The following ARNT variants were observed in gnomAD, a reference collection of about 807,000 sequenced individuals.
ARNT encodes class E basic helix-loop-helix protein 2.
In ARNT, 30 loss-of-function variants were observed where a neutral mutation model predicts 105.0. The observed-to-expected ratio is 0.29, with a 90% confidence interval of 0.21 to 0.39. The LOEUF is 0.39. ARNT is among the 10% of genes least tolerant of loss of function. The pLI is 1.00. For synonymous variants in ARNT, 304 were observed against 344.0 expected (o/e 0.88, Z 1.29); for missense variants, 748 against 978.7 (o/e 0.76, Z 3.15).
intron 19 of ARNT, among the ~76,000 whole-genome samples, chr1:150,815,607 C>T (rs1571174662): frequency 6.6e-6 from 1 of 150,926 alleles, no homozygotes; most frequent in African/African-American, 2.4e-5. Flanking sequence ...CGCCTGTAAT[C>T]CCAGCACTTT....
At chr1:150,816,449 T>A in intron 18 of ARNT, 43 bp from the exon 19 acceptor site, 1 of 1,582,178 alleles carries the variant, frequency 6.3e-7, no homozygotes, top group Non-Finnish European at 8.6e-7. Context: ...AGGATAGATT[T>A]ATCACAGAAG....
intron 21 of ARNT, among the ~76,000 whole-genome samples, 190 bp from the exon 22 acceptor site, chr1:150,812,300 C>A (rs1654896516): frequency 6.6e-6 from 1 of 152,148 alleles, no homozygotes; most frequent in South Asian, 2.1e-4. Context: ...TCCCTTCTGT[C>A]TTCCTCCTAC....
rs1332604574 is a variant in ARNT, at chr1:150,816,871, G to A, written c.1719C>T (p.Ser573=). The A allele has an allele frequency of 5.0e-6, 8 of 1,603,958 alleles. No individual in the cohort carries two copies. In the Admixed American group the frequency reaches 1.1e-4, roughly 22 times the overall value. The change falls in exon 18 of 22, where the codon TCC becomes TCT. Residue 573 remains serine, a synonymous_variant. Coordinates refer to ENST00000358595, the MANE Select transcript of ARNT (RefSeq NM_001668.4). ...GTTGGGTGGCAGGGACAGTGCTGGA[G>A]GAGATGCCTTTACTCTGATCTGTGG... ...NINADQSKGI[S]SSTVPATQQL... is the part of the protein sequence containing the mutation.
rs147313091 is a variant in ARNT at position 150,840,740 on chromosome 1, T to C, written c.273-1086A>G. Among the ~76,000 whole-genome samples the C allele has an allele frequency of 1.5e-3, 233 of 152,252 alleles. 2 individuals carry two copies. The highest frequency in any genetic ancestry group is 5.0e-3 in the African/African-American group (209 of 41,524). On this transcript the variant is annotated intron_variant, in intron 5 of 21. Coordinates refer to ENST00000358595, the MANE Select transcript of ARNT (RefSeq NM_001668.4). Reference sequence around the variant, plus strand: ...ACAATTTGAATCTCACCCAGGTAAATAGACCACAGCTCCAACACTGACTTC... The same window carrying C: ...ACAATTTGAATCTCACCCAGGTAAACAGACCACAGCTCCAACACTGACTTC...
Position 150,817,357 on chromosome 1 carries a change from T to G in ARNT, c.1578+4A>C. ...CCCTCTTCAACGAAGAGGACACAAC[T>G]CACCTGGGAATGATTGTAGCTGGCC... On this transcript the variant is annotated splice_donor_region_variant and intron_variant, in intron 16 of 21. Coordinates refer to ENST00000358595, the MANE Select transcript of ARNT (RefSeq NM_001668.4). 6.2e-7 allele frequency: 1 copy of G among 1,614,082 alleles called. No homozygotes were observed.
intron 1 of ARNT, among the ~76,000 whole-genome samples, chr1:150,859,307 T>C (rs920769080): frequency 7.3e-5 from 11 of 150,626 alleles, no homozygotes; most frequent in African/African-American, 2.4e-4. Context: ...CAATTCAATC[T>C]CATCCCCCAG....
At chr1:150,871,622 G>A (rs1206848534) in intron 1 of ARNT, among the ~76,000 whole-genome samples, 1 of 148,276 alleles carries the variant, frequency 6.7e-6, no homozygotes, top group Non-Finnish European at 1.5e-5. Context: ...CTTAAAAACA[G>A]ATGGCGGCGG....
intron 3 of ARNT, among the ~76,000 whole-genome samples, 199 bp downstream of exon 3, chr1:150,852,563 C>T (rs587667682): frequency 2.6e-5 from 4 of 152,200 alleles, no homozygotes; most frequent in East Asian, 3.9e-4. Context: ...TTGTAAATGC[C>T]GTCCTCTCCT....
In ARNT at chr1:150,848,329, G is replaced by A. The variant is rs587685690; in HGVS notation, c.183-2022C>T. On this transcript the variant is annotated intron_variant, in intron 3 of 21. Coordinates refer to ENST00000358595, the MANE Select transcript of ARNT (RefSeq NM_001668.4). ...AAATTAGCCGGGCATGGTGGCAGGCGCCTGTAATCCCAGCTACTCAGGAGG... is the reference window on the plus strand; with the variant it reads ...AAATTAGCCGGGCATGGTGGCAGGCACCTGTAATCCCAGCTACTCAGGAGG... Among the ~76,000 whole-genome samples the A allele has an allele frequency of 3.3e-5, 5 of 152,146 alleles. No homozygotes were observed. The South Asian group carries it at 6.2e-4, about 19-fold the overall frequency.
intron 5 of ARNT, 70 bp downstream of exon 5, chr1:150,842,352 GAA>G: frequency 6.4e-7 from 1 of 1,562,246 alleles, no homozygotes; most frequent in Non-Finnish European, 8.6e-7. Flanking sequence ...GGGAAGAAAA[GAA>G]AGAGTAAGAA....
rs949030518 is a variant in ARNT at position 150,810,269 on chromosome 1, G to A, written c.*1752C>T. ...AACAAAACCCCCAGAGCATCTTCTC[G>A]CTATCCTCCCCTTCCCCAAAAGCCC... On this transcript the variant is annotated 3_prime_UTR_variant, in exon 22 of 22. Transcript: ENST00000358595. The A allele has an allele frequency of 8.6e-6, 2 of 232,522 alleles. No homozygotes were observed. The highest frequency in any genetic ancestry group is 6.0e-5 in the East Asian group (1 of 16,582). 14.4% of individuals were successfully genotyped at this position (232,522 alleles called of 1,614,324 possible). A position where few individuals can be genotyped will look rare whatever the true frequency, so the allele number is the denominator to read the frequency against.
At chr1:150,870,613 T>C (rs1270322192) in intron 1 of ARNT, among the ~76,000 whole-genome samples, 1 of 152,098 alleles carries the variant, frequency 6.6e-6, no homozygotes, top group South Asian at 2.1e-4. Flanking sequence ...GCTCAGGTCA[T>C]CCTCGCATCT....
rs374493943 is a variant in ARNT at position 150,810,662 on chromosome 1, C to T, written c.*1359G>A. The T allele has an allele frequency of 2.4e-5, 5 of 212,568 alleles. No individual in the cohort carries two copies. The highest frequency in any genetic ancestry group is 3.8e-4 in the South Asian group (2 of 5,318). The allele number at this position is 212,568 out of a possible 1,614,324, so 13.2% of individuals were successfully genotyped here. A position where few individuals can be genotyped will look rare whatever the true frequency, so the allele number is the denominator to read the frequency against. ...AAAAAAAAAAAAAAGCTGGTATCTACGACTGTTACCTGAGGAAGGTAAAGG... is the reference window on the plus strand; with the variant it reads ...AAAAAAAAAAAAAAGCTGGTATCTATGACTGTTACCTGAGGAAGGTAAAGG... On this transcript the variant is annotated 3_prime_UTR_variant, in exon 22 of 22. Coordinates refer to ENST00000358595, the MANE Select transcript of ARNT (RefSeq NM_001668.4).
intron 1 of ARNT, among the ~76,000 whole-genome samples, chr1:150,866,062 A>G (rs1557963732): frequency 6.7e-6 from 1 of 150,244 alleles, no homozygotes; most frequent in East Asian, 2.0e-4. Flanking sequence ...GGCTCACTGC[A>G]ACCTCTGCTT....
At chr1:150,820,769 T>C (rs974872198) in intron 14 of ARNT, among the ~76,000 whole-genome samples, 1 of 152,140 alleles carries the variant, frequency 6.6e-6, no homozygotes, top group African/African-American at 2.4e-5. Context: ...TGTTTAATAC[T>C]AGAAAAGTAG....
At position 150,831,864 on chromosome 1, in the gene ARNT, G is replaced by C; in HGVS notation, c.909C>G (p.Phe303Leu). The change falls in exon 10 of 22, where the codon TTC becomes TTG. Residue 303 changes from phenylalanine (F) to leucine (L), a missense_variant. Physicochemically the swap from Phe to Leu is conservative, Grantham distance 22. This residue lies in a region of ARNT where 291 missense variants were observed against 444.6 expected (regional missense o/e 0.65). Coordinates refer to ENST00000358595, the MANE Select transcript of ARNT (RefSeq NM_001668.4). Reference protein sequence around the residue: ...LGSVKDGEPHFVVVHCTGYIK... With the variant: ...LGSVKDGEPHLVVVHCTGYIK... The stretch of plus-strand genomic sequence containing the variant: ...TGTAGCCTGTGCAGTGGACCACCAC[G>C]AAGTGAGGTTCCCCATCCTTTACAG... 1 of 1,595,846 alleles carries C rather than the reference G, an allele frequency of 6.3e-7. No individual in the cohort carries two copies. Among genetic ancestry groups the C allele is most frequent in the Non-Finnish European group, 8.5e-7 (1 of 1,175,610 alleles).
intron 19 of ARNT, 26 bp from the exon 20 acceptor site, chr1:150,814,265 A>G: frequency 1.2e-6 from 2 of 1,610,742 alleles, no homozygotes; most frequent in Non-Finnish European, 1.7e-6. Context: ...GAGGGGATAT[A>G]GAACAAATAC....
At chr1:150,831,358 C>G (rs587596669) in intron 10 of ARNT, 1 of 152,656 alleles carries the variant, frequency 6.6e-6, no homozygotes, top group African/African-American at 2.4e-5. Flanking sequence ...CTTGTTTGAC[C>G]TCAAGTTCTG....
intron 2 of ARNT, among the ~76,000 whole-genome samples, chr1:150,854,239 C>T (rs901814348): frequency 1.3e-5 from 2 of 152,280 alleles, no homozygotes; most frequent in South Asian, 2.1e-4. Context: ...GAGCCCACCA[C>T]TGCACTCAAC....
Sources: gnomAD v4.1 joint callset for allele counts (sites outside exome capture counted in the v4.1 genomes callset) on GRCh38, gnomAD v4.1.1 for gene constraint, gnomAD v4.1.1 regional missense constraint, MANE v1.5 for transcripts, NCBI Gene and HGNC (gene_info 2026-07-23, HGNC 2026-07-21) for gene names.